Variants in OXSR1 observed in about 807,000 individuals in gnomAD.
OXSR1 encodes serine/threonine-protein kinase OSR1.
In OXSR1, 24 loss-of-function variants were observed where a neutral mutation model predicts 79.8. The ratio of observed to expected loss-of-function variants is 0.30; its 90% CI spans 0.22 to 0.42. OXSR1 has a LOEUF of 0.42. Ranked by LOEUF, OXSR1 falls within the 10% of genes least tolerant of loss-of-function variation. The pLI, the probability that OXSR1 is intolerant of heterozygous loss-of-function variation, is 1.00. For missense variants in OXSR1, 430 were observed against 618.4 expected (o/e 0.70, Z 3.23); for synonymous variants, 226 against 209.2 (o/e 1.08, Z -0.69).
intron 1 of OXSR1, 30 bp downstream of exon 1, chr3:38,165,976 C>T: frequency 6.3e-7 from 1 of 1,591,362 alleles, no homozygotes; most frequent in Non-Finnish European, 8.6e-7. Context: ...AGGGGGGAGG[C>T]GCGGCGCTGG....
chr3:38,228,604 T>G (rs1702739173), intron 8 of OXSR1, among the ~76,000 whole-genome samples: 1 of 152,210 alleles, frequency 6.6e-6, no homozygotes, highest in Admixed American at 6.5e-5. Flanking sequence ...ACAGTCTTGC[T>G]TTGTCGCCCA....
chr3:38,224,461 T>C, intron 7 of OXSR1, 110 bp from the exon 8 acceptor site: 1 of 771,744 alleles, frequency 1.3e-6, no homozygotes, highest in Non-Finnish European at 2.1e-6. Context: ...TTACAGAAAA[T>C]AAAATGTTTG....
At chr3:38,212,480 A>G in intron 4 of OXSR1, among the ~76,000 whole-genome samples, 1 of 152,176 alleles carries the variant, frequency 6.6e-6, no homozygotes, top group South Asian at 2.1e-4. Context: ...GCTGGCTGTG[A>G]CAGAAATGTT....
At position 38,183,120 on chromosome 3, in the gene OXSR1, G is replaced by T; in HGVS notation, c.183+5G>T. ...ACTAGCATGGATGAACTCCTGGTAT[G>T]CACATCTTATACTTCTGAAATGGAG... On this transcript the variant is annotated splice_donor_5th_base_variant and intron_variant, in intron 2 of 17. Coordinates refer to ENST00000311806, the MANE Select transcript of OXSR1 (RefSeq NM_005109.3). 6.8e-7 allele frequency: 1 copy of T among 1,472,614 alleles called. No homozygotes were observed. The highest frequency in any genetic ancestry group is 1.1e-5 in the South Asian group (1 of 87,406). 91.2% of individuals were successfully genotyped at this position (1,472,614 alleles called of 1,614,324 possible). A position where few individuals can be genotyped will look rare whatever the true frequency, so the allele number is the denominator to read the frequency against.
intron 3 of OXSR1, among the ~76,000 whole-genome samples, chr3:38,194,411 G>C (rs1301493450): frequency 1.3e-5 from 2 of 152,150 alleles, no homozygotes; most frequent in African/African-American, 2.4e-5. Context: ...AATTAGCTAA[G>C]CTCGTACATG....
intron 10 of OXSR1, among the ~76,000 whole-genome samples, chr3:38,232,452 A>G (rs945162122): frequency 6.6e-6 from 1 of 151,436 alleles, no homozygotes; most frequent in Non-Finnish European, 1.5e-5. Context: ...TACTAAAAGA[A>G]CTGTTAAGAG....
intron 1 of OXSR1, among the ~76,000 whole-genome samples, chr3:38,174,718 A>AT (rs1198470350): frequency 6.6e-6 from 1 of 152,158 alleles, no homozygotes; most frequent in African/African-American, 2.4e-5. Flanking sequence ...GATATAGCAT[A>AT]TTTTTTGAAG....
chr3:38,182,375 G>A (rs1301526377), intron 1 of OXSR1, among the ~76,000 whole-genome samples: 1 of 152,172 alleles, frequency 6.6e-6, no homozygotes, highest in African/African-American at 2.4e-5. Context: ...TGCTGGGGAG[G>A]ACTGGGTTCA....
intron 17 of OXSR1, among the ~76,000 whole-genome samples, 188 bp from the exon 18 acceptor site, chr3:38,252,629 C>T (rs1703281398): frequency 6.6e-6 from 1 of 152,124 alleles, no homozygotes; most frequent in African/African-American, 2.4e-5. Context: ...AAACTATTAG[C>T]CAGTCTGACT....
chr3:38,205,046 T>C (rs1462184530), intron 4 of OXSR1, among the ~76,000 whole-genome samples: 1 of 152,186 alleles, frequency 6.6e-6, no homozygotes, highest in African/African-American at 2.4e-5. Context: ...GCTTCCTCCA[T>C]GGGTGCTGGC....
intron 8 of OXSR1, among the ~76,000 whole-genome samples, chr3:38,228,467 C>T (rs1702736579): frequency 6.6e-6 from 1 of 152,198 alleles, no homozygotes; most frequent in East Asian, 1.9e-4. Flanking sequence ...GGTTCTTAAA[C>T]TTGAATGCCT....
chr3:38,235,187 A>G (rs1186346294), intron 10 of OXSR1, among the ~76,000 whole-genome samples: 2 of 152,216 alleles, frequency 1.3e-5, no homozygotes, highest in East Asian at 1.9e-4. Flanking sequence ...ACAACTTTGA[A>G]TATACTAAAA....
At chr3:38,181,719 T>C (rs1559502314) in intron 1 of OXSR1, among the ~76,000 whole-genome samples, 3 of 152,160 alleles carry the variant, frequency 2.0e-5, no homozygotes, top group Non-Finnish European at 2.9e-5. Flanking sequence ...TCTTGTCAGG[T>C]AATTCCAACA....
chr3:38,211,711 C>T (rs1702391796), intron 4 of OXSR1, among the ~76,000 whole-genome samples: 1 of 152,152 alleles, frequency 6.6e-6, no homozygotes, highest in African/African-American at 2.4e-5. Context: ...AAAACCTGAG[C>T]CCCCTAGCCA....
chr3:38,229,345 T>A (rs1037396370), intron 8 of OXSR1, among the ~76,000 whole-genome samples: 9 of 151,848 alleles, frequency 5.9e-5, no homozygotes, highest in Non-Finnish European at 8.8e-5. Flanking sequence ...ATTTTCTAGC[T>A]TACTTATTGG....
At chr3:38,216,390 C>G (rs11927751) in intron 5 of OXSR1, among the ~76,000 whole-genome samples, 1 of 152,046 alleles carries the variant, frequency 6.6e-6, no homozygotes, top group Non-Finnish European at 1.5e-5. Flanking sequence ...GCTATCCACT[C>G]CTTACTTCCA....
chr3:38,254,528 A>C lies in OXSR1; in HGVS notation c.*1637A>C, dbSNP rs1400505472. ...CCCAGCAGTCTTGGTAAAAGGAGGGAGCCTGCTGAGCCAGGAGGGAGAAAA... is the reference window on the plus strand; with the variant it reads ...CCCAGCAGTCTTGGTAAAAGGAGGGCGCCTGCTGAGCCAGGAGGGAGAAAA... On this transcript the variant is annotated 3_prime_UTR_variant, in exon 18 of 18. Transcript: ENST00000311806. The C allele has an allele frequency of 2.9e-6, 1 of 342,728 alleles. No individual in the cohort carries two copies. The highest frequency in any genetic ancestry group is 5.2e-6 in the Non-Finnish European group (1 of 190,870). The allele number at this position is 342,728 out of a possible 1,614,324, so 21.2% of individuals were successfully genotyped here.
At chr3:38,252,239 C>G in intron 16 of OXSR1, 89 bp from the exon 17 acceptor site, 1 of 895,978 alleles carries the variant, frequency 1.1e-6, no homozygotes, top group Non-Finnish European at 1.9e-6. Flanking sequence ...GGAGCATATT[C>G]TTAACTACCA....
At chr3:38,197,697 C>G (rs548827100) in intron 3 of OXSR1, among the ~76,000 whole-genome samples, 4 of 151,924 alleles carry the variant, frequency 2.6e-5, no homozygotes, top group African/African-American at 4.8e-5. Flanking sequence ...AATAAACTTG[C>G]GTTCAGTCCT....
Sources: allele counts gnomAD v4.1 joint callset (sites outside exome capture counted in the v4.1 genomes callset), GRCh38; gene constraint gnomAD v4.1.1; transcripts MANE v1.5; gene names NCBI Gene and HGNC (gene_info 2026-07-23, HGNC 2026-07-21).